The following CRPPA variants were observed in gnomAD, a reference collection of about 807,000 sequenced individuals.
The protein encoded by CRPPA is D-ribitol-5-phosphate cytidylyltransferase.
Under a neutral mutation model 52.0 loss-of-function variants are expected in CRPPA, and 43 were observed. The ratio of observed to expected loss-of-function variants is 0.83; its 90% CI spans 0.65 to 1.07. CRPPA has a LOEUF of 1.07. Ranked by LOEUF, CRPPA falls within the 50% of genes least tolerant of loss-of-function variation. The pLI, the probability that CRPPA is intolerant of heterozygous loss-of-function variation, is 0.00. For synonymous variants in CRPPA, 250 were observed against 203.5 expected (o/e 1.23, Z -1.94); for missense variants, 629 against 551.7 (o/e 1.14, Z -1.40).
chr7:16,216,114 T>C lies in CRPPA; in HGVS notation c.1203A>G (p.Val401=), dbSNP rs749428111. 33 of 1,601,660 alleles carry C rather than the reference T, an allele frequency of 2.1e-5. No individual in the cohort carries two copies. Among genetic ancestry groups the C allele is most frequent in the Non-Finnish European group, 2.8e-5 (33 of 1,171,542 alleles). The change falls in exon 9 of 10, where the codon GTA becomes GTG. Residue 401 remains valine, a synonymous_variant. Transcript: ENST00000407010. ...CATATAACAAAATATTTCTTTCTTT[T>C]ACTTCCTTTGCAAATTCTCTAATCT... is the stretch of plus-strand genomic sequence containing the variant. ...LMQIREFAKE[V]KERNILLYGL... is the part of the protein sequence containing the mutation.
intron 3 of CRPPA, among the ~76,000 whole-genome samples, chr7:16,374,415 G>A (rs906062714): frequency 1.3e-5 from 2 of 152,100 alleles, no homozygotes; most frequent in African/African-American, 4.8e-5. Flanking sequence ...TTCTTCCCCA[G>A]CTTGCAGACG....
rs548075742 is a variant in CRPPA, at chr7:16,216,140, G to C, written c.1177C>G (p.Gln393Glu). ...ACTTCCTTTGCAAATTCTCTAATCT[G>C]CATTAGGTTTTCCATTTTCTGACTG... ...PPSQKMENLM[Q>E]IREFAKEVKE... The change falls in exon 9 of 10, where the codon CAG (glutamine) becomes GAG (glutamate). Residue 393 changes from glutamine (Q) to glutamate (E), a missense_variant. Coordinates refer to ENST00000407010, the MANE Select transcript of CRPPA (RefSeq NM_001101426.4). 3 of 1,596,234 alleles carry C rather than the reference G, an allele frequency of 1.9e-6. No individual in the cohort carries two copies. The highest frequency in any genetic ancestry group is 1.7e-5 in the Admixed American group (1 of 59,374).
intron 9 of CRPPA, among the ~76,000 whole-genome samples, chr7:16,124,514 G>C (rs980231256): frequency 6.6e-6 from 1 of 152,058 alleles, no homozygotes; most frequent in African/African-American, 2.4e-5. Flanking sequence ...ACTCATATGT[G>C]GAAGCTAAAT....
chr7:16,305,092 C>T (rs118126286), intron 4 of CRPPA, among the ~76,000 whole-genome samples: 16 of 152,214 alleles, frequency 1.1e-4, no homozygotes, highest in Non-Finnish European at 2.1e-4. Flanking sequence ...CAAATACTCT[C>T]ATCATACAAA....
At chr7:16,152,296 G>A (rs972617528) in intron 9 of CRPPA, among the ~76,000 whole-genome samples, 7 of 149,524 alleles carry the variant, frequency 4.7e-5, no homozygotes, top group African/African-American at 1.7e-4. Flanking sequence ...TGTGTACAGA[G>A]TATTATAAAA....
chr7:16,247,727 A>G lies in CRPPA; in HGVS notation c.1119+10663T>C, dbSNP rs1339007776. Among the ~76,000 whole-genome samples the G allele has an allele frequency of 2.0e-5, 3 of 152,228 alleles. No individual in the cohort carries two copies. The East Asian group carries it at 5.8e-4, about 29-fold the overall frequency. On this transcript the variant is annotated intron_variant, in intron 8 of 9. Transcript: ENST00000407010. ...AAAACATGTATCTTCAGAGTGAAAT[A>G]AACTGAAGTATGCCTACGTTCAAGT...
Position 16,087,531 on chromosome 7 carries a change from T to A in CRPPA, c.*4164A>T, listed in dbSNP as rs2128359437. ...AAAAAAAAAGAAAATGCCATTAGAT[T>A]TTAAATCAATAATTTATTTACATTT... On this transcript the variant is annotated 3_prime_UTR_variant, in exon 10 of 10. Coordinates refer to ENST00000407010, the MANE Select transcript of CRPPA (RefSeq NM_001101426.4). 1 of 151,864 alleles carries A rather than the reference T, an allele frequency of 6.6e-6. No individual in the cohort carries two copies. The highest frequency in any genetic ancestry group is 2.4e-5 in the African/African-American group (1 of 41,520). The allele number at this position is 151,864 out of a possible 1,614,324, so 9.4% of individuals were successfully genotyped here.
intron 5 of CRPPA, among the ~76,000 whole-genome samples, chr7:16,285,478 G>A (rs1199346004): frequency 6.6e-6 from 1 of 152,020 alleles, no homozygotes; most frequent in African/African-American, 2.4e-5. Context: ...TAACAAGTAA[G>A]GTGCCCCCAA....
chr7:16,162,433 T>G (rs578240942), intron 9 of CRPPA, among the ~76,000 whole-genome samples: 16 of 152,362 alleles, frequency 1.1e-4, no homozygotes, highest in African/African-American at 3.8e-4. Flanking sequence ...TTTTGTTATC[T>G]ACACAGGAGT....
chr7:16,194,005 T>C (rs542634766), intron 9 of CRPPA, among the ~76,000 whole-genome samples: 1 of 152,198 alleles, frequency 6.6e-6, no homozygotes, highest in South Asian at 2.1e-4. Flanking sequence ...AAAACACCAA[T>C]GGTGAAAGTT....
intron 9 of CRPPA, among the ~76,000 whole-genome samples, chr7:16,099,190 C>T (rs556346900): frequency 2.0e-5 from 3 of 150,968 alleles, no homozygotes; most frequent in East Asian, 2.0e-4. Flanking sequence ...GAGTTCAAGG[C>T]CGCAGTGAGC....
chr7:16,394,287 G>A (rs764406679), intron 2 of CRPPA, among the ~76,000 whole-genome samples: 14 of 152,042 alleles, frequency 9.2e-5, no homozygotes, highest in African/African-American at 2.2e-4. Context: ...TAGTGATTAC[G>A]AACAAACTAT....
At chr7:16,384,576 C>T (rs1787204312) in intron 2 of CRPPA, among the ~76,000 whole-genome samples, 1 of 152,172 alleles carries the variant, frequency 6.6e-6, no homozygotes, top group East Asian at 1.9e-4. Context: ...ATATCAAAGG[C>T]AGACAATATA....
intron 3 of CRPPA, among the ~76,000 whole-genome samples, chr7:16,337,885 G>C (rs185365415): frequency 6.6e-6 from 1 of 152,218 alleles, no homozygotes; most frequent in Non-Finnish European, 1.5e-5. Flanking sequence ...CCCAGAACCA[G>C]ATATCTTCAC....
intron 9 of CRPPA, among the ~76,000 whole-genome samples, chr7:16,177,444 A>G (rs774396780): frequency 2.0e-5 from 3 of 152,152 alleles, no homozygotes; most frequent in Non-Finnish European, 2.9e-5. Flanking sequence ...AACAGTCACA[A>G]TCAAGGTTGC....
chr7:16,118,769 A>C (rs531212056), intron 9 of CRPPA, among the ~76,000 whole-genome samples: 39 of 152,338 alleles, frequency 2.6e-4, no homozygotes, highest in African/African-American at 8.4e-4. Context: ...AAGTTGGCTA[A>C]GGAAAACTAA....
At chr7:16,155,971 C>T (rs1438578982) in intron 9 of CRPPA, among the ~76,000 whole-genome samples, 1 of 151,898 alleles carries the variant, frequency 6.6e-6, no homozygotes, top group African/African-American at 2.4e-5. Context: ...GGGAAGTCAA[C>T]GGGAGGGGTC....
At chr7:16,405,093 G>A (rs1374279290) in intron 2 of CRPPA, among the ~76,000 whole-genome samples, 3 of 150,942 alleles carry the variant, frequency 2.0e-5, no homozygotes, top group African/African-American at 7.3e-5. Flanking sequence ...TCCTAAATAG[G>A]TTTTAAAGGG....
At chr7:16,220,987 G>A (rs1782483018) in intron 8 of CRPPA, among the ~76,000 whole-genome samples, 1 of 152,026 alleles carries the variant, frequency 6.6e-6, no homozygotes, top group Non-Finnish European at 1.5e-5. Context: ...GCATCACCAA[G>A]GCAATCCTAA....
Sources: allele counts gnomAD v4.1 joint callset (sites outside exome capture counted in the v4.1 genomes callset), GRCh38; gene constraint gnomAD v4.1.1; transcripts MANE v1.5; gene names NCBI Gene and HGNC (gene_info 2026-07-23, HGNC 2026-07-21).